The following KCNMA1 variants were observed in gnomAD, a reference collection of about 807,000 sequenced individuals.
KCNMA1 encodes the protein potassium calcium-activated channel subfamily M alpha 1.
Under a neutral mutation model 140.0 loss-of-function variants are expected in KCNMA1, and 29 were observed. That is an observed-to-expected ratio of 0.21 (90% CI 0.15 to 0.28). The LOEUF (loss-of-function observed/expected upper bound fraction) is 0.28, where lower values mean the gene tolerates loss of function less well. KCNMA1 is among the 10% of genes least tolerant of loss of function. KCNMA1 has a pLI of 1.00. For missense variants in KCNMA1, 880 were observed against 1,602.2 expected (o/e 0.55, Z 7.70); for synonymous variants, 612 against 611.9 (o/e 1.00, Z 0.00).
At chr10:76,872,301 G>A (rs567902449), downstream of KCNMA1, 3 of 152,300 alleles carry the variant, frequency 2.0e-5, no homozygotes, top group East Asian at 3.9e-4. Flanking sequence ...TGCTGCACAC[G>A]GTGAGTTGTT....
intron 4 of KCNMA1, among the ~76,000 whole-genome samples, 186 bp from the exon 5 acceptor site, chr10:77,183,718 A>G (rs1045268999): frequency 1.6e-4 from 24 of 152,046 alleles, no homozygotes; most frequent in African/African-American, 5.8e-4. Context: ...AGCTCCTGAC[A>G]TCAGGTGATC....
intron 3 of KCNMA1, among the ~76,000 whole-genome samples, chr10:77,220,372 G>A (rs777609176): frequency 1.3e-5 from 2 of 152,176 alleles, no homozygotes; most frequent in African/African-American, 4.8e-5. Context: ...TGTGCTCTGC[G>A]GCCTGCTTAG....
chr10:77,632,780 A>G (rs2093349896), intron 1 of KCNMA1, among the ~76,000 whole-genome samples: 1 of 152,248 alleles, frequency 6.6e-6, no homozygotes, highest in African/African-American at 2.4e-5. Flanking sequence ...TGAAGCTATG[A>G]TAGTTACCAC....
At chr10:77,435,789 A>G (rs898614756) in intron 1 of KCNMA1, among the ~76,000 whole-genome samples, 1 of 152,248 alleles carries the variant, frequency 6.6e-6, no homozygotes, top group African/African-American at 2.4e-5. Context: ...TGGCCCTCCC[A>G]GATTCATTAT....
Position 77,637,562 on chromosome 10 carries a change from G to T in KCNMA1, c.81C>A (p.Ser27Arg). The stretch of plus-strand genomic sequence containing the variant: ...GGCTGAGATGGTTCGCGTGGATATT[G>T]CTACTCATTCTAAGACTGCTGCCTC... Reference protein sequence around the residue: ...GGGGSSLRMSSNIHANHLSLD... With the variant: ...GGGGSSLRMSRNIHANHLSLD... Residue 27 changes from serine (S) to arginine (R), a missense_variant, in exon 1 of 28, where the codon AGC becomes AGA. Physicochemically the swap from Ser to Arg is moderately radical, Grantham distance 110. This residue lies in a region of KCNMA1 where 94 missense variants were observed against 92.4 expected (regional missense o/e 1.02). Transcript: ENST00000286628. 6.5e-7 allele frequency: 1 copy of T among 1,541,974 alleles called. No individual in the cohort carries two copies.
At chr10:76,959,859 A>T (rs748969660) in intron 20 of KCNMA1, among the ~76,000 whole-genome samples, 1 of 152,238 alleles carries the variant, frequency 6.6e-6, no homozygotes, top group Non-Finnish European at 1.5e-5. Context: ...TACTCACAAG[A>T]ACACCTGTAG....
intron 18 of KCNMA1, among the ~76,000 whole-genome samples, chr10:77,004,011 T>G (rs1184811377): frequency 6.6e-6 from 1 of 152,134 alleles, no homozygotes. Context: ...ATTGTTAGCA[T>G]GCAGGAACAG....
chr10:77,234,171 C>T (rs1010417242), intron 3 of KCNMA1, among the ~76,000 whole-genome samples: 1 of 152,140 alleles, frequency 6.6e-6, no homozygotes, highest in African/African-American at 2.4e-5. Context: ...TTTTTATAAT[C>T]TGATAACTGA....
At chr10:77,531,120 G>A (rs967446339) in intron 1 of KCNMA1, among the ~76,000 whole-genome samples, 2 of 152,116 alleles carry the variant, frequency 1.3e-5, no homozygotes, top group African/African-American at 2.4e-5. Flanking sequence ...TCAAGGTGAC[G>A]CAGCCAGAAA....
chr10:77,381,193 C>T (rs1444209041), intron 2 of KCNMA1, among the ~76,000 whole-genome samples: 2 of 151,888 alleles, frequency 1.3e-5, no homozygotes, highest in African/African-American at 2.4e-5. Context: ...CAGGAGTGAC[C>T]CAGACAAAAA....
chr10:77,563,521 T>C (rs1479183739), intron 1 of KCNMA1, among the ~76,000 whole-genome samples: 1 of 152,102 alleles, frequency 6.6e-6, no homozygotes, highest in Non-Finnish European at 1.5e-5. Context: ...CAGAACTTGC[T>C]CTCTTCTACC....
At chr10:77,340,392 G>T (rs977040687) in intron 2 of KCNMA1, among the ~76,000 whole-genome samples, 5 of 152,142 alleles carry the variant, frequency 3.3e-5, no homozygotes, top group Non-Finnish European at 7.3e-5. Flanking sequence ...AAATTATGCT[G>T]CTATTAAGAC....
intron 5 of KCNMA1, among the ~76,000 whole-genome samples, chr10:77,159,023 T>C (rs1443901837): frequency 2.0e-5 from 3 of 152,216 alleles, no homozygotes; most frequent in East Asian, 1.9e-4. Flanking sequence ...TTATAAACTT[T>C]GTGTTGTGTG....
intron 1 of KCNMA1, among the ~76,000 whole-genome samples, chr10:77,433,419 C>T (rs2097192250): frequency 6.6e-6 from 1 of 152,168 alleles, no homozygotes; most frequent in Non-Finnish European, 1.5e-5. Context: ...TCCCAAAATT[C>T]TGGGATTACA....
chr10:77,201,345 G>A (rs1287180397), intron 3 of KCNMA1, among the ~76,000 whole-genome samples: 1 of 152,220 alleles, frequency 6.6e-6, no homozygotes, highest in Admixed American at 6.5e-5. Flanking sequence ...CTAGTTTGGA[G>A]TTTCCATGAA....
intron 1 of KCNMA1, among the ~76,000 whole-genome samples, chr10:77,598,502 G>C (rs1335200393): frequency 6.6e-6 from 1 of 152,216 alleles, no homozygotes; most frequent in Admixed American, 6.5e-5. Flanking sequence ...GGAGAGGAGT[G>C]CATGGCATCC....
At chr10:77,196,244 C>A (rs1032688813) in intron 3 of KCNMA1, among the ~76,000 whole-genome samples, 1 of 152,088 alleles carries the variant, frequency 6.6e-6, no homozygotes, top group African/African-American at 2.4e-5. Flanking sequence ...CTCTGTATCC[C>A]CACTTTCTGT....
rs1001210507 is a variant in KCNMA1, at chr10:77,099,865, C to T, written c.1223+8616G>A. ...AACCCTCCCAAATCTTTCTGCACCCCTCTTTTACTGGGTCTGTAAGCTTTT... is the reference window on the plus strand; with the variant it reads ...AACCCTCCCAAATCTTTCTGCACCCTTCTTTTACTGGGTCTGTAAGCTTTT... On this transcript the variant is annotated intron_variant, in intron 9 of 27. Coordinates refer to ENST00000286628, the MANE Select transcript of KCNMA1 (RefSeq NM_001161352.2). Among the ~76,000 whole-genome samples the T allele has an allele frequency of 4.6e-5, 7 of 152,190 alleles. 1 individual carries two copies. Among genetic ancestry groups the T allele is most frequent in the Admixed American group, 4.6e-4 (7 of 15,276 alleles).
At chr10:77,583,806 C>A (rs1187130758) in intron 1 of KCNMA1, among the ~76,000 whole-genome samples, 1 of 152,208 alleles carries the variant, frequency 6.6e-6, no homozygotes, top group East Asian at 1.9e-4. Flanking sequence ...GAGAGGCCAA[C>A]ACACCCAACT....
Sources: allele counts gnomAD v4.1 joint callset (sites outside exome capture counted in the v4.1 genomes callset), GRCh38; gene constraint gnomAD v4.1.1; regional missense constraint gnomAD v4.1.1; transcripts MANE v1.5; gene names NCBI Gene and HGNC (gene_info 2026-07-23, HGNC 2026-07-21).